The following ITPRID1 variants were observed in gnomAD, a reference collection of about 807,000 sequenced individuals.
ITPRID1 encodes the protein protein ITPRID1.
ITPRID1 carries 96 observed loss-of-function variants against 95.4 expected under a neutral mutation model. The ratio of observed to expected loss-of-function variants is 1.01; its 90% confidence interval spans 0.85 to 1.19. The LOEUF (loss-of-function observed/expected upper bound fraction) is 1.19. Ranked by LOEUF, ITPRID1 falls within the 50% of genes most tolerant of loss-of-function variation. ITPRID1 has a pLI of 0.00. For synonymous variants in ITPRID1, 510 were observed against 453.6 expected (o/e 1.12, Z -1.58); for missense variants, 1,339 against 1,252.9 (o/e 1.07, Z -1.04).
intron 10 of ITPRID1, among the ~76,000 whole-genome samples, chr7:31,615,911 G>A (rs1000457691): frequency 1.3e-5 from 2 of 151,794 alleles, no homozygotes; most frequent in African/African-American, 2.4e-5. Flanking sequence ...CTGCCACCAC[G>A]CCTGGCTAAT....
chr7:31,557,517 C>G (rs1784488386), intron 5 of ITPRID1, among the ~76,000 whole-genome samples: 1 of 152,118 alleles, frequency 6.6e-6, no homozygotes, highest in Non-Finnish European at 1.5e-5. Context: ...TACCTAAAAT[C>G]TCAAATCTCA....
intron 10 of ITPRID1, among the ~76,000 whole-genome samples, chr7:31,590,804 G>C (rs1785833212): frequency 6.6e-6 from 1 of 152,200 alleles, no homozygotes; most frequent in African/African-American, 2.4e-5. Flanking sequence ...ACTGTGACAG[G>C]TACTGTTCTA....
At chr7:31,523,046 GC>G (rs1380845077) in intron 1 of ITPRID1, among the ~76,000 whole-genome samples, 1 of 152,276 alleles carries the variant, frequency 6.6e-6, no homozygotes, top group Non-Finnish European at 1.5e-5. Flanking sequence ...GATTCATAGG[GC>G]TAATGTAAGT....
chr7:31,570,195 C>G (rs896537949), intron 6 of ITPRID1, among the ~76,000 whole-genome samples: 4 of 152,100 alleles, frequency 2.6e-5, no homozygotes, highest in Non-Finnish European at 5.9e-5. Flanking sequence ...TATACAATTT[C>G]CAATGCTAGG....
intron 8 of ITPRID1, among the ~76,000 whole-genome samples, 178 bp downstream of exon 8, chr7:31,574,920 GT>G (rs1785127693): frequency 6.6e-6 from 1 of 152,166 alleles, no homozygotes; most frequent in Non-Finnish European, 1.5e-5. Context: ...TGGTGTGTAT[GT>G]TTTGGAGAAA....
intron 5 of ITPRID1, among the ~76,000 whole-genome samples, chr7:31,561,419 T>A (rs1199965536): frequency 1.3e-5 from 2 of 151,514 alleles, no homozygotes; most frequent in Non-Finnish European, 2.9e-5. Context: ...CTGAGACTTC[T>A]CCACTTGGGG....
chr7:31,610,135 T>C (rs1786800371), intron 10 of ITPRID1, among the ~76,000 whole-genome samples: 1 of 151,662 alleles, frequency 6.6e-6, no homozygotes, highest in Non-Finnish European at 1.5e-5. Flanking sequence ...GTCAGAAATG[T>C]TATTTTGTAT....
intron 10 of ITPRID1, among the ~76,000 whole-genome samples, chr7:31,584,652 C>T (rs1318099832): frequency 6.6e-6 from 1 of 152,168 alleles, no homozygotes; most frequent in Non-Finnish European, 1.5e-5. Flanking sequence ...ACTTATGGTA[C>T]AGCAAATGTG....
Position 31,643,347 on chromosome 7 carries a change from A to G in ITPRID1, c.1977A>G (p.Thr659=). The G allele has an allele frequency of 6.2e-7, 1 of 1,613,962 alleles. No individual in the cohort carries two copies. The highest frequency in any genetic ancestry group is 8.5e-7 in the Non-Finnish European group (1 of 1,179,874). The change falls in exon 12 of 15, where the codon ACA becomes ACG. Residue 659 remains threonine, a synonymous_variant. Coordinates refer to ENST00000615280, the MANE Select transcript of ITPRID1 (RefSeq NM_001257967.3). The part of the protein sequence containing the change: ...ITPYATDLAQ[T]SEKLIPHLHK... ...CTTATGCAACTGACCTTGCTCAAACATCTGAAAAGCTCATTCCCCACCTCC... is the reference window on the plus strand; with the variant it reads ...CTTATGCAACTGACCTTGCTCAAACGTCTGAAAAGCTCATTCCCCACCTCC...
chr7:31,568,137 T>A (rs1034713791), intron 5 of ITPRID1, among the ~76,000 whole-genome samples: 4 of 139,314 alleles, frequency 2.9e-5, no homozygotes, highest in South Asian at 2.3e-4. Context: ...AAAAAAAAAA[T>A]CACTATTTAC....
chr7:31,628,455 T>G lies in ITPRID1; in HGVS notation c.1229-13721T>G, dbSNP rs564804951. Among the ~76,000 whole-genome samples the G allele has an allele frequency of 4.7e-5, 7 of 149,670 alleles. No homozygotes were observed. In the East Asian group the frequency reaches 1.4e-3, roughly 29 times the overall value. On this transcript the variant is annotated intron_variant, in intron 10 of 14. Coordinates refer to ENST00000615280, the MANE Select transcript of ITPRID1 (RefSeq NM_001257967.3). ...GAAACACAAGCGTGATTCCTTTTTT[T>G]TTTTTCTTTTTTTTTCTTTTTTTGA...
intron 10 of ITPRID1, among the ~76,000 whole-genome samples, chr7:31,592,721 C>A (rs1464800531): frequency 1.3e-5 from 2 of 152,162 alleles, no homozygotes; most frequent in African/African-American, 4.8e-5. Flanking sequence ...CCCCATTTGC[C>A]CATTCACCGC....
chr7:31,570,443 TC>T (rs1431119868), intron 6 of ITPRID1, among the ~76,000 whole-genome samples: 1 of 152,192 alleles, frequency 6.6e-6, no homozygotes, highest in Non-Finnish European at 1.5e-5. Context: ...GACTATGAGC[TC>T]TTTCAGGTTA....
chr7:31,624,386 A>G (rs1015639053), intron 10 of ITPRID1, among the ~76,000 whole-genome samples: 3 of 145,784 alleles, frequency 2.1e-5, no homozygotes, highest in African/African-American at 7.7e-5. Context: ...ACAAGGCTAC[A>G]GTAACCAAAA....
intron 1 of ITPRID1, among the ~76,000 whole-genome samples, chr7:31,522,539 G>C (rs1169079641): frequency 6.6e-6 from 1 of 152,236 alleles, no homozygotes; most frequent in Admixed American, 6.5e-5. Context: ...GCCTTCTGCA[G>C]TGTAGAGCAA....
At position 31,642,721 on chromosome 7, in the gene ITPRID1, G is replaced by A. The variant is rs369485544; in HGVS notation, c.1351G>A (p.Gly451Arg). The A allele has an allele frequency of 6.5e-5, 105 of 1,613,982 alleles. No homozygotes were observed. The highest frequency in any genetic ancestry group is 8.7e-5 in the Non-Finnish European group (103 of 1,179,886). Residue 451 changes from glycine (G) to arginine (R), a missense_variant, in exon 12 of 15, where the codon GGA (glycine) becomes AGA (arginine). Coordinates refer to ENST00000615280, the MANE Select transcript of ITPRID1 (RefSeq NM_001257967.3). ...LPNSQSPAEN[G>R]GRKPRDQSHS... ...AAACAGCCAGAGTCCTGCTGAGAATGGAGGTAGAAAGCCAAGAGATCAGAG... is the reference window on the plus strand; with the variant it reads ...AAACAGCCAGAGTCCTGCTGAGAATAGAGGTAGAAAGCCAAGAGATCAGAG...
At chr7:31,620,496 A>G in intron 10 of ITPRID1, among the ~76,000 whole-genome samples, 1 of 151,584 alleles carries the variant, frequency 6.6e-6, no homozygotes, top group East Asian at 1.9e-4. Context: ...ACCCAGGCAA[A>G]CAGGGTCTGG....
intron 10 of ITPRID1, among the ~76,000 whole-genome samples, chr7:31,588,914 A>G (rs1785742459): frequency 6.6e-6 from 1 of 152,072 alleles, no homozygotes; most frequent in South Asian, 2.1e-4. Flanking sequence ...TAAACAATAT[A>G]CCATTCACAA....
At position 31,643,602 on chromosome 7, in the gene ITPRID1, C is replaced by A; in HGVS notation, c.2232C>A (p.Thr744=). Residue 744 remains threonine (T), a synonymous_variant, in exon 12 of 15, where the codon ACC becomes ACA. Transcript: ENST00000615280. ...SLECTVCDPV[T]ATETRLGTKA... ...AATGCACTGTGTGTGATCCTGTTAC[C>A]GCAACAGAAACAAGACTGGGGACAA... 4.3e-6 allele frequency: 7 copies of A among 1,613,998 alleles called. No homozygotes were observed. Among genetic ancestry groups the A allele is most frequent in the East Asian group, 2.2e-5 (1 of 44,882 alleles).
Sources: allele counts gnomAD v4.1 joint callset (sites outside exome capture counted in the v4.1 genomes callset), GRCh38; gene constraint gnomAD v4.1.1; transcripts MANE v1.5; gene names NCBI Gene and HGNC (gene_info 2026-07-23, HGNC 2026-07-21).